Variants in EYS observed in about 807,000 individuals in gnomAD.
The protein encoded by EYS is EGF-like photoreceptor maintenance factor.
EYS carries 250 observed loss-of-function variants against 282.1 expected under a neutral mutation model. That is an observed-to-expected ratio of 0.89 (90% CI 0.80 to 0.98). The LOEUF (loss-of-function observed/expected upper bound fraction) is 0.98. Ranked by LOEUF, EYS falls within the 50% of genes least tolerant of loss-of-function variation. The pLI, the probability that EYS is intolerant of heterozygous loss-of-function variation, is 0.00. For missense variants in EYS, 4,016 were observed against 3,709.0 expected (o/e 1.08, Z -2.15); for synonymous variants, 1,355 against 1,282.9 (o/e 1.06, Z -1.20).
In EYS at chr6:65,697,089, TTGTG is replaced by T. The variant is rs546375797; in HGVS notation, c.-448+10042_-448+10045del. Among the ~76,000 whole-genome samples, 267 of 151,786 alleles carry T rather than the reference TTGTG, an allele frequency of 1.8e-3. 1 individual carries two copies. The highest frequency in any genetic ancestry group is 6.1e-3 in the African/African-American group (254 of 41,478). ...ATCTCACATATATGTTTTTGTGTGT[TTGTG>T]TGTGTGTGTACACATATACATATAA... On this transcript the variant is annotated intron_variant, in intron 1 of 42. Transcript: ENST00000503581.
chr6:64,840,687 T>C (rs1355025494), intron 19 of EYS, among the ~76,000 whole-genome samples: 1 of 152,118 alleles, frequency 6.6e-6, no homozygotes, highest in African/African-American at 2.4e-5. Context: ...TCAAATATTT[T>C]ACTATAAGAA....
At chr6:65,014,841 A>G (rs181854876) in intron 13 of EYS, among the ~76,000 whole-genome samples, 2 of 152,242 alleles carry the variant, frequency 1.3e-5, no homozygotes, top group East Asian at 3.9e-4. Context: ...GGCCAATAAG[A>G]ATTTGCAGAT....
chr6:65,254,618 T>C (rs892129405), intron 12 of EYS, among the ~76,000 whole-genome samples: 3 of 151,988 alleles, frequency 2.0e-5, no homozygotes, highest in African/African-American at 4.8e-5. Context: ...AACAAGACCA[T>C]AGTAAAATGT....
chr6:63,735,761 A>T (rs943237979), intron 41 of EYS, among the ~76,000 whole-genome samples: 7 of 152,132 alleles, frequency 4.6e-5, no homozygotes. Flanking sequence ...CTTGTCCAGG[A>T]TGCCCTTCAG....
rs1194688519 is a variant in EYS, at chr6:65,036,251, C to T, written c.2137+21363G>A. Among the ~76,000 whole-genome samples the T allele has an allele frequency of 3.3e-5, 5 of 151,610 alleles. No individual in the cohort carries two copies. In the East Asian group the frequency reaches 5.8e-4, roughly 18 times the overall value. On this transcript the variant is annotated intron_variant, in intron 13 of 42. Transcript: ENST00000503581. ...AAGAAAGGACTCCCTATTCAATAAA[C>T]GGTGCTGAGATAACTAGCTAGCTAT...
intron 2 of EYS, among the ~76,000 whole-genome samples, chr6:65,557,353 A>C (rs1354555818): frequency 6.6e-6 from 1 of 152,198 alleles, no homozygotes; most frequent in Non-Finnish European, 1.5e-5. Flanking sequence ...ACAGGCAGGC[A>C]TGCCAGCTAC....
chr6:64,734,633 C>G (rs1203039599), intron 22 of EYS, among the ~76,000 whole-genome samples: 2 of 152,108 alleles, frequency 1.3e-5, no homozygotes, highest in Non-Finnish European at 2.9e-5. Context: ...CCATTCTGCT[C>G]CATTTTCTCT....
intron 31 of EYS, among the ~76,000 whole-genome samples, chr6:64,200,457 A>G (rs1765430524): frequency 6.6e-6 from 1 of 152,152 alleles, no homozygotes. Context: ...TATGTGCTCA[A>G]TAACAGTTAA....
At chr6:65,519,708 A>ATATATATATATTTTTTTTT (rs1554205854) in intron 2 of EYS, among the ~76,000 whole-genome samples, 3 of 42,562 alleles carry the variant, frequency 7.0e-5, no homozygotes, top group African/African-American at 3.8e-4. Context: ...ATATATATAT[A>ATATATATATATTTTTTTTT]TTTTTTTTTT....
At chr6:65,548,340 G>A (rs1929331) in intron 2 of EYS, among the ~76,000 whole-genome samples, 113,245 of 152,060 alleles carry the variant, frequency 0.74, 42,922 homozygotes, top group African/African-American at 0.88. Flanking sequence ...AATCAATTAG[G>A]TTATCAATTA....
At chr6:64,703,429 A>ATTTT (rs1554194865) in intron 22 of EYS, among the ~76,000 whole-genome samples, 5 of 23,362 alleles carry the variant, frequency 2.1e-4, no homozygotes, top group African/African-American at 4.8e-4. Context: ...ATATATATAT[A>ATTTT]TTTTTTTTTT....
intron 31 of EYS, among the ~76,000 whole-genome samples, chr6:64,088,506 A>G (rs148483840): frequency 6.6e-6 from 1 of 152,046 alleles, no homozygotes; most frequent in Non-Finnish European, 1.5e-5. Context: ...GGAACATCTA[A>G]TAAATCAAGA....
chr6:65,525,354 C>T (rs1433249127), intron 2 of EYS, among the ~76,000 whole-genome samples: 1 of 152,080 alleles, frequency 6.6e-6, no homozygotes, highest in African/African-American at 2.4e-5. Context: ...ATTATTTGCC[C>T]ATTCAGAAAG....
At chr6:65,009,363 A>G (rs1771791499) in intron 13 of EYS, among the ~76,000 whole-genome samples, 1 of 152,126 alleles carries the variant, frequency 6.6e-6, no homozygotes, top group South Asian at 2.1e-4. Context: ...TTAGTGTAAC[A>G]TCTCAGGGCT....
intron 35 of EYS, among the ~76,000 whole-genome samples, chr6:63,881,366 CCTCTT>C (rs2149719005): frequency 6.6e-6 from 1 of 152,264 alleles, no homozygotes; most frequent in Non-Finnish European, 1.5e-5. Context: ...TTCAGAAAAA[CCTCTT>C]CTGAGAGAGG....
At chr6:63,931,606 A>G (rs911511186) in intron 35 of EYS, among the ~76,000 whole-genome samples, 4 of 152,138 alleles carry the variant, frequency 2.6e-5, no homozygotes, top group Admixed American at 6.5e-5. Context: ...CTATGTGTCA[A>G]CCCTGACTAT....
intron 5 of EYS, among the ~76,000 whole-genome samples, chr6:65,457,166 T>G (rs1318067456): frequency 5.9e-5 from 9 of 152,066 alleles, no homozygotes; most frequent in South Asian, 2.1e-4. Context: ...GTTGTTGTGT[T>G]TTATTTATTT....
intron 12 of EYS, among the ~76,000 whole-genome samples, chr6:65,240,071 C>A (rs1767019987): frequency 6.6e-6 from 1 of 151,738 alleles, no homozygotes; most frequent in Non-Finnish European, 1.5e-5. Context: ...TGGGTTCACA[C>A]CATTCTCCTG....
intron 23 of EYS, among the ~76,000 whole-genome samples, chr6:64,622,619 A>T (rs1767480097): frequency 6.6e-6 from 1 of 152,174 alleles, no homozygotes; most frequent in African/African-American, 2.4e-5. Context: ...GTTACCCAGG[A>T]TGACAACCAT....
Sources: gnomAD v4.1 joint callset for allele counts (sites outside exome capture counted in the v4.1 genomes callset) on GRCh38, gnomAD v4.1.1 for gene constraint, MANE v1.5 for transcripts, NCBI Gene and HGNC (gene_info 2026-07-23, HGNC 2026-07-21) for gene names.